The following ATP2B2 variants were observed in gnomAD, a reference collection of about 807,000 sequenced individuals.
ATP2B2 encodes plasma membrane calcium-transporting ATPase 2.
In ATP2B2, 15 loss-of-function variants were observed where a neutral mutation model predicts 120.0. The ratio of observed to expected loss-of-function variants is 0.12; its 90% CI spans 0.08 to 0.19. The LOEUF is 0.19. Among genes scored for constraint, ATP2B2 ranks in the 10% least tolerant of loss-of-function variants. The pLI is 1.00. For missense variants in ATP2B2, 1,045 were observed against 1,719.8 expected (o/e 0.61, Z 6.94); for synonymous variants, 694 against 700.3 (o/e 0.99, Z 0.14).
intron 3 of ATP2B2, among the ~76,000 whole-genome samples, chr3:10,404,947 C>T (rs2062359736): frequency 1.3e-5 from 2 of 152,192 alleles, no homozygotes; most frequent in South Asian, 4.1e-4. Context: ...GTTATTTCCC[C>T]TGCTGTGTGC....
chr3:10,628,600 C>G (rs555730988), intron 1 of ATP2B2, among the ~76,000 whole-genome samples: 214 of 152,354 alleles, frequency 1.4e-3, no homozygotes, highest in African/African-American at 4.8e-3. Context: ...ATTCACAATT[C>G]CGACCCATGG....
At chr3:10,501,716 G>C (rs1559419805) in intron 1 of ATP2B2, among the ~76,000 whole-genome samples, 1 of 152,134 alleles carries the variant, frequency 6.6e-6, no homozygotes, top group East Asian at 1.9e-4. Flanking sequence ...CTGGTGGGGA[G>C]AGGAAATGAG....
chr3:10,573,616 C>T (rs928611567), intron 2 of ATP2B2, among the ~76,000 whole-genome samples: 2 of 152,190 alleles, frequency 1.3e-5, no homozygotes, highest in East Asian at 3.9e-4. Context: ...GTATTGTTAA[C>T]AAGTGTCTCA....
At chr3:10,696,307 T>C (rs1378444389) in intron 1 of ATP2B2, among the ~76,000 whole-genome samples, 2 of 152,152 alleles carry the variant, frequency 1.3e-5, no homozygotes, top group Non-Finnish European at 1.5e-5. Context: ...CCTGCAAACT[T>C]TGGGGAAATT....
At position 10,340,576 on chromosome 3, in the gene ATP2B2, T is replaced by C. The variant is rs2125369003; in HGVS notation, c.3046A>G (p.Ile1016Val). 1 of 1,614,190 alleles carries C rather than the reference T, an allele frequency of 6.2e-7. No homozygotes were observed. Among genetic ancestry groups the C allele is most frequent in the Non-Finnish European group, 8.5e-7 (1 of 1,180,042 alleles). The change falls in exon 20 of 23, where the codon ATC (isoleucine) becomes GTC (valine). Residue 1016 changes from isoleucine (I) to valine (V), a missense_variant. Physicochemically the swap from Ile to Val is conservative, Grantham distance 29 (BLOSUM62 3). Transcript: ENST00000360273. This position sits in a 1 kb window ranked among gnomAD's most constrained non-coding sequence, Gnocchi z 5.0. ...QLFNEINARKIHGERNVFDGI... is the reference protein window; with the variant it reads ...QLFNEINARKVHGERNVFDGI... ...TCAAAGACATTGCGCTCGCCGTGGA[T>C]CTTGCGGGCGTTGATCTCGTTGAAG... is the stretch of plus-strand genomic sequence containing the variant.
At chr3:10,388,436 C>T in intron 5 of ATP2B2, 34 bp from the exon 6 acceptor site, 1 of 1,614,004 alleles carries the variant, frequency 6.2e-7, no homozygotes, top group Non-Finnish European at 8.5e-7. Context: ...GTTACCATTG[C>T]ATGGTTGAAG....
At chr3:10,406,719 C>A (rs1245988719) in intron 3 of ATP2B2, among the ~76,000 whole-genome samples, 1 of 152,228 alleles carries the variant, frequency 6.6e-6, no homozygotes, top group Non-Finnish European at 1.5e-5. Context: ...ATCTACTAAC[C>A]ATCTACAATG....
chr3:10,447,851 CA>C (rs1280933756), intron 2 of ATP2B2, among the ~76,000 whole-genome samples: 3 of 152,094 alleles, frequency 2.0e-5, no homozygotes, highest in Admixed American at 2.0e-4. Flanking sequence ...CCTGCCAAAA[CA>C]AAAAAATAGC....
chr3:10,534,435 C>T (rs74505681), intron 2 of ATP2B2, among the ~76,000 whole-genome samples: 2,811 of 152,362 alleles, frequency 0.018, 56 homozygotes, highest in Middle Eastern at 0.054. Context: ...GCCCCTTTCA[C>T]TAACATGCAT....
intron 1 of ATP2B2, among the ~76,000 whole-genome samples, chr3:10,689,531 T>G (rs1026057890): frequency 1.3e-5 from 2 of 151,476 alleles, no homozygotes; most frequent in African/African-American, 4.9e-5. Context: ...ATACCAACAT[T>G]AAAAAAAATA....
intron 1 of ATP2B2, among the ~76,000 whole-genome samples, chr3:10,490,872 C>T (rs2430890): frequency 0.22 from 33,371 of 152,096 alleles, 3,797 homozygotes; most frequent in South Asian, 0.36. Context: ...CCTCTATCTG[C>T]TCCTGTTGAT....
At chr3:10,659,658 A>G (rs1315508913) in intron 1 of ATP2B2, among the ~76,000 whole-genome samples, 2 of 152,216 alleles carry the variant, frequency 1.3e-5, no homozygotes, top group African/African-American at 4.8e-5. Context: ...AGACTTTAAT[A>G]CCCCACTGTC....
chr3:10,394,908 C>G (rs2061985357), intron 5 of ATP2B2, among the ~76,000 whole-genome samples: 1 of 152,118 alleles, frequency 6.6e-6, no homozygotes, highest in Non-Finnish European at 1.5e-5. Context: ...TTGATGGCAT[C>G]TAGTCTAGTC....
chr3:10,374,111 A>G (rs1163404016), intron 11 of ATP2B2, among the ~76,000 whole-genome samples: 2 of 152,190 alleles, frequency 1.3e-5, no homozygotes, highest in African/African-American at 2.4e-5. Flanking sequence ...TGCCAGAGAT[A>G]CGAACTGCAG....
chr3:10,380,581 A>G (rs1357965318), intron 8 of ATP2B2, among the ~76,000 whole-genome samples: 2 of 152,160 alleles, frequency 1.3e-5, no homozygotes, highest in African/African-American at 2.4e-5. Flanking sequence ...TTGGGTCTCA[A>G]TGGGTAAATG....
chr3:10,575,894 T>C (rs2068234046), intron 2 of ATP2B2, among the ~76,000 whole-genome samples: 2 of 152,330 alleles, frequency 1.3e-5, no homozygotes, highest in Middle Eastern at 3.4e-3. Flanking sequence ...CTGTCCAAAA[T>C]CTGGGCCTTA....
rs148566711 is a variant in ATP2B2, at chr3:10,496,883, C to A, written c.-320+8582G>T. On this transcript the variant is annotated intron_variant, in intron 1 of 22. Coordinates refer to ENST00000360273, the MANE Select transcript of ATP2B2 (RefSeq NM_001001331.4). The stretch of plus-strand genomic sequence containing the variant: ...CTGCACCCAGGTCTTTGTCCTCCCC[C>A]CAACTCCAATCCACTTTGTGGCCCT... 7.6e-3 allele frequency among the ~76,000 whole-genome samples: 1,164 copies of A among 152,354 alleles called. 15 individuals carry two copies. The highest frequency in any genetic ancestry group is 0.027 in the African/African-American group (1,105 of 41,588).
At chr3:10,554,156 T>C (rs2067730245) in intron 2 of ATP2B2, among the ~76,000 whole-genome samples, 1 of 152,064 alleles carries the variant, frequency 6.6e-6, no homozygotes, top group Non-Finnish European at 1.5e-5. Flanking sequence ...GCTTGACCCT[T>C]TGTAACCCAC....
intron 2 of ATP2B2, among the ~76,000 whole-genome samples, chr3:10,442,767 T>C (rs7629547): frequency 0.011 from 1,671 of 152,324 alleles, 26 homozygotes; most frequent in African/African-American, 0.033. Flanking sequence ...AACGTCTCCC[T>C]TGAAGCCACA....
Sources: gnomAD v4.1 joint callset for allele counts (sites outside exome capture counted in the v4.1 genomes callset) on GRCh38, gnomAD v4.1.1 for gene constraint, Gnocchi (gnomAD v3.1) non-coding constraint, MANE v1.5 for transcripts, NCBI Gene and HGNC (gene_info 2026-07-23, HGNC 2026-07-21) for gene names.